The following TRAF2 variants were observed in gnomAD, a reference collection of about 807,000 sequenced individuals.
The protein encoded by TRAF2 is TNF receptor-associated factor 2.
TRAF2 carries 6 observed loss-of-function variants against 55.6 expected under a neutral mutation model. The ratio of observed to expected loss-of-function variants is 0.11; its 90% confidence interval spans 0.06 to 0.21. The LOEUF is 0.21. TRAF2 is among the 10% of genes least tolerant of loss of function. The pLI is 1.00. For synonymous variants in TRAF2, 329 were observed against 276.3 expected, an observed-to-expected ratio of 1.19 and a Z score of -1.89; for missense variants, 561 against 684.5, an observed-to-expected ratio of 0.82 and a Z score of 2.01.
At chr9:136,919,763 A>G (rs1029773638) in intron 7 of TRAF2, among the ~76,000 whole-genome samples, 8 of 148,834 alleles carry the variant, frequency 5.4e-5, no homozygotes, top group African/African-American at 1.7e-4. Context: ...TCAGCCAGGC[A>G]GGGATGCAGT....
At chr9:136,920,741 G>A (rs986711219) in intron 8 of TRAF2, among the ~76,000 whole-genome samples, 5 of 152,334 alleles carry the variant, frequency 3.3e-5, no homozygotes, top group Admixed American at 2.6e-4. Flanking sequence ...AGGCCAGGCC[G>A]TGGGCAGGAG....
intron 10 of TRAF2, among the ~76,000 whole-genome samples, chr9:136,925,001 T>C (rs536670883): frequency 2.2e-4 from 33 of 152,348 alleles, no homozygotes; most frequent in African/African-American, 7.0e-4. Context: ...CCTCCCAAAG[T>C]GCTGGGATTG....
In TRAF2 at chr9:136,900,423, C is replaced by T. The variant is rs1232244589; in HGVS notation, c.269C>T (p.Ala90Val). ...EGISILESSS[A>V]FPDNAARREV... ...CCCGAGGGATATTCCTCTCCCCAGG[C>T]CTTCCCAGATAATGCTGCCCGCAGG... Residue 90 changes from alanine (A) to valine (V), a missense_variant and splice_region_variant, in exon 4 of 11, where the codon GCC becomes GTC. By Grantham distance (64) the Ala-to-Val change is moderately conservative (BLOSUM62 0). This residue lies in a region of TRAF2 where 426 missense variants were observed against 476.8 expected (regional missense o/e 0.89). Coordinates refer to ENST00000247668, the MANE Select transcript of TRAF2 (RefSeq NM_021138.4). The T allele has an allele frequency of 6.3e-7, 1 of 1,594,350 alleles. No individual in the cohort carries two copies. Among genetic ancestry groups the T allele is most frequent in the Admixed American group, 1.7e-5 (1 of 58,832 alleles).
chr9:136,899,106 ATAGC>A (rs1414075033), intron 2 of TRAF2, among the ~76,000 whole-genome samples, 178 bp downstream of exon 2: 4 of 152,266 alleles, frequency 2.6e-5, no homozygotes, highest in African/African-American at 9.6e-5. Flanking sequence ...TAATTTTAAA[ATAGC>A]AATTTGAAAT....
chr9:136,909,053 A>G (rs965505732), intron 5 of TRAF2, among the ~76,000 whole-genome samples: 4 of 151,180 alleles, frequency 2.6e-5, no homozygotes, highest in Admixed American at 2.6e-4. Context: ...AAAAAAAAAG[A>G]AAAAAAATTT....
At chr9:136,892,835 C>T (rs910470269) in intron 1 of TRAF2, among the ~76,000 whole-genome samples, 14 of 152,054 alleles carry the variant, frequency 9.2e-5, no homozygotes, top group African/African-American at 3.1e-4. Flanking sequence ...TAGATCACAC[C>T]GTTGCACTCC....
At chr9:136,888,809 G>A (rs1274814430) in intron 1 of TRAF2, among the ~76,000 whole-genome samples, 1 of 152,136 alleles carries the variant, frequency 6.6e-6, no homozygotes, top group African/African-American at 2.4e-5. Flanking sequence ...TTTCTTGTGG[G>A]GGTGTCCCAT....
rs774026086 is a variant in TRAF2, at chr9:136,916,405, G to A, written c.604-136G>A. The A allele has an allele frequency of 8.7e-6, 7 of 802,436 alleles. No individual in the cohort carries two copies. In the Admixed American group the frequency reaches 9.5e-5, roughly 11 times the overall value. 49.7% of individuals were successfully genotyped at this position (802,436 alleles called of 1,614,324 possible). ...TGTCGCTTTGGAAATGGGCTGTTGG[G>A]TTTCATTCAGTGTGAGAGTGAAGAG... On this transcript the variant is annotated intron_variant, in intron 6 of 10. Transcript: ENST00000247668.
intron 1 of TRAF2, among the ~76,000 whole-genome samples, chr9:136,893,233 A>G (rs1378132236): frequency 6.6e-6 from 1 of 152,218 alleles, no homozygotes; most frequent in Non-Finnish European, 1.5e-5. Flanking sequence ...AGCACTGGGC[A>G]GGCAGAGCCC....
intron 1 of TRAF2, among the ~76,000 whole-genome samples, chr9:136,888,624 G>A (rs959265137): frequency 5.3e-5 from 8 of 152,186 alleles, no homozygotes; most frequent in South Asian, 4.1e-4. Flanking sequence ...CCCCTGCAGC[G>A]GCCAGGTTGC....
chr9:136,908,588 C>T (rs529089199), intron 5 of TRAF2, among the ~76,000 whole-genome samples: 40 of 151,840 alleles, frequency 2.6e-4, no homozygotes, highest in Non-Finnish European at 4.4e-4. Context: ...CAGGAGTGGC[C>T]AGGTGCGGCG....
chr9:136,917,437 C>G (rs547711183), intron 7 of TRAF2, among the ~76,000 whole-genome samples: 2 of 152,356 alleles, frequency 1.3e-5, no homozygotes, highest in East Asian at 3.9e-4. Context: ...CTCTGCCCCT[C>G]TGTCGCCAGC....
Position 136,925,900 on chromosome 9 carries a change from A to G in TRAF2, c.1505A>G (p.Ter502=). 2 of 1,614,052 alleles carry G rather than the reference A, an allele frequency of 1.2e-6. No homozygotes were observed. Among genetic ancestry groups the G allele is most frequent in the Non-Finnish European group, 1.7e-6 (2 of 1,180,008 alleles). ...IKAIVDLTGL[*] is the part of the protein sequence containing the mutation. ...GCCATTGTGGACCTGACAGGGCTCT[A>G]ACTGCCCCCTACTGGTGTCTGGGGG... Residue 502 remains the stop codon, a stop_retained_variant, in exon 11 of 11, where the codon TAA becomes TGA. Coordinates refer to ENST00000247668, the MANE Select transcript of TRAF2 (RefSeq NM_021138.4).
intron 10 of TRAF2, among the ~76,000 whole-genome samples, chr9:136,924,594 A>T (rs1030344807): frequency 2.6e-5 from 4 of 152,012 alleles, no homozygotes; most frequent in African/African-American, 9.7e-5. Flanking sequence ...AGCACAAAAT[A>T]ATGCAAGTTT....
intron 3 of TRAF2, 60 bp downstream of exon 3, chr9:136,899,732 A>G: frequency 6.5e-7 from 1 of 1,531,976 alleles, no homozygotes; most frequent in Non-Finnish European, 9.0e-7. Context: ...TTTCCTTTAC[A>G]ACATGGGTGG....
At chr9:136,905,943 A>C (rs1014337661) in intron 4 of TRAF2, among the ~76,000 whole-genome samples, 9 of 152,146 alleles carry the variant, frequency 5.9e-5, no homozygotes, top group Non-Finnish European at 1.3e-4. Flanking sequence ...TCTGTACTAA[A>C]AATACAAAAA....
chr9:136,897,256 T>C (rs1427259212), intron 1 of TRAF2, among the ~76,000 whole-genome samples: 1 of 151,840 alleles, frequency 6.6e-6, no homozygotes, highest in Non-Finnish European at 1.5e-5. Flanking sequence ...GCAGGAAGAG[T>C]GGGCATGGCA....
intron 7 of TRAF2, among the ~76,000 whole-genome samples, chr9:136,919,452 C>T (rs970551474): frequency 2.0e-4 from 31 of 151,888 alleles, no homozygotes; most frequent in African/African-American, 6.8e-4. Context: ...TGCACCACCA[C>T]GCCCTGCTAA....
intron 1 of TRAF2, chr9:136,889,406 C>G (rs12348012): frequency 0.018 from 2,722 of 152,066 alleles, 95 homozygotes; most frequent in African/African-American, 0.062. Flanking sequence ...GCCTCATCCT[C>G]CAGAGTAGGT....
Sources: allele counts gnomAD v4.1 joint callset (sites outside exome capture counted in the v4.1 genomes callset), GRCh38; gene constraint gnomAD v4.1.1; regional missense constraint gnomAD v4.1.1; transcripts MANE v1.5; gene names NCBI Gene and HGNC (gene_info 2026-07-23, HGNC 2026-07-21).